The following PLCG2 variants were observed in gnomAD, a reference collection of about 807,000 sequenced individuals.
PLCG2 encodes phospholipase C gamma 2.
In PLCG2, 69 loss-of-function variants were observed where a neutral mutation model predicts 175.6. That is an observed-to-expected ratio of 0.39 (90% confidence interval 0.32 to 0.48). PLCG2 has a LOEUF of 0.48. PLCG2 is among the 20% of genes least tolerant of loss of function. The pLI, the probability that PLCG2 is intolerant of heterozygous loss-of-function variation, is 0.91. For synonymous variants in PLCG2, 827 were observed against 624.0 expected (o/e 1.33, Z -4.85); for missense variants, 1,798 against 1,650.9 (o/e 1.09, Z -1.54).
chr16:81,828,265 AG>A (rs1905125135), intron 2 of PLCG2, among the ~76,000 whole-genome samples: 3 of 69,652 alleles, frequency 4.3e-5, no homozygotes, highest in Non-Finnish European at 5.0e-5. Flanking sequence ...TTTTTTTTTG[AG>A]ACAGAATCTT....
At chr16:81,888,032 C>A (rs1428455478) in intron 9 of PLCG2, among the ~76,000 whole-genome samples, 1 of 105,242 alleles carries the variant, frequency 9.5e-6, no homozygotes, top group African/African-American at 3.0e-5. Context: ...TTATTTGGAG[C>A]TGAGACTCTG....
intron 2 of PLCG2, among the ~76,000 whole-genome samples, chr16:81,847,048 G>A (rs1022552216): frequency 1.3e-5 from 2 of 152,178 alleles, no homozygotes; most frequent in African/African-American, 2.4e-5. Flanking sequence ...CATTTCAGGT[G>A]CCAGTCACAA....
At chr16:81,830,666 G>GTA (rs1189692382) in intron 2 of PLCG2, among the ~76,000 whole-genome samples, 108 of 136,132 alleles carry the variant, frequency 7.9e-4, no homozygotes, top group African/African-American at 1.9e-3. Flanking sequence ...GTGTGTGTGT[G>GTA]TATATATATA....
At chr16:81,830,870 C>A (rs569235985) in intron 2 of PLCG2, among the ~76,000 whole-genome samples, 1 of 151,652 alleles carries the variant, frequency 6.6e-6, no homozygotes, top group Non-Finnish European at 1.5e-5. Context: ...GCAGAGACAG[C>A]GTGACTAGAA....
intron 2 of PLCG2, among the ~76,000 whole-genome samples, chr16:81,851,431 A>G (rs1033819685): frequency 3.3e-5 from 5 of 152,218 alleles, no homozygotes; most frequent in Admixed American, 2.0e-4. Flanking sequence ...TGTCACGTGT[A>G]GGTGGGTATG....
At chr16:81,898,031 C>G (rs1567522297) in intron 13 of PLCG2, 1 of 351,172 alleles carries the variant, frequency 2.8e-6, no homozygotes, top group African/African-American at 2.2e-5. Context: ...CAACCTCCAT[C>G]AGGCAGATGG....
chr16:81,822,654 G>T (rs1320639114), intron 2 of PLCG2, among the ~76,000 whole-genome samples: 1 of 151,332 alleles, frequency 6.6e-6, no homozygotes. Context: ...CTACTCAGAA[G>T]GCTGAGGCAG....
At chr16:81,791,604 A>T (rs1911234067) in intron 2 of PLCG2, among the ~76,000 whole-genome samples, 2 of 152,120 alleles carry the variant, frequency 1.3e-5, no homozygotes, top group African/African-American at 4.8e-5. Context: ...AATCTCTGTC[A>T]CCCAGGCTGG....
At chr16:81,788,322 C>G (rs1567464410) in intron 2 of PLCG2, among the ~76,000 whole-genome samples, 2 of 152,124 alleles carry the variant, frequency 1.3e-5, no homozygotes, top group African/African-American at 4.8e-5. Flanking sequence ...GCTCTGTTGC[C>G]CAGGCTGGAG....
chr16:81,742,320 A>T (rs963043639), intron 1 of PLCG2, among the ~76,000 whole-genome samples: 1 of 152,156 alleles, frequency 6.6e-6, no homozygotes, highest in African/African-American at 2.4e-5. Context: ...TGCTCAAGGA[A>T]GGGCCTGACT....
chr16:81,868,231 A>G (rs1907342201), intron 5 of PLCG2, among the ~76,000 whole-genome samples: 1 of 152,176 alleles, frequency 6.6e-6, no homozygotes, highest in Non-Finnish European at 1.5e-5. Context: ...CAATTAGGCA[A>G]CTTTAATGCC....
chr16:81,769,775 C>G (rs1377006591), intron 2 of PLCG2, among the ~76,000 whole-genome samples: 4 of 141,382 alleles, frequency 2.8e-5, no homozygotes, highest in African/African-American at 5.3e-5. Flanking sequence ...AGCCGAGATC[C>G]CGCCACTGCA....
chr16:81,743,737 G>C (rs1485660894), intron 1 of PLCG2, among the ~76,000 whole-genome samples: 1 of 152,238 alleles, frequency 6.6e-6, no homozygotes, highest in Non-Finnish European at 1.5e-5. Context: ...CCCATCCCAA[G>C]GGAGGGAGAG....
chr16:81,816,241 C>T (rs1352350175), intron 2 of PLCG2, among the ~76,000 whole-genome samples: 1 of 151,986 alleles, frequency 6.6e-6, no homozygotes, highest in Non-Finnish European at 1.5e-5. Flanking sequence ...TGTGGCAGCA[C>T]ATGCCTGTAA....
intron 15 of PLCG2, 32 bp from the exon 16 acceptor site, chr16:81,907,653 T>A: frequency 1.3e-6 from 2 of 1,527,028 alleles, no homozygotes; most frequent in South Asian, 2.2e-5. Context: ...GTAGAGGACT[T>A]GGGGGGCACT....
intron 16 of PLCG2, 123 bp downstream of exon 16, chr16:81,907,897 G>A: frequency 6.1e-6 from 4 of 654,802 alleles, no homozygotes; most frequent in South Asian, 5.3e-5. Context: ...CTCCGCTGAA[G>A]AAGCTGTTGA....
intron 2 of PLCG2, among the ~76,000 whole-genome samples, chr16:81,834,883 G>A (rs752983980): frequency 2.0e-5 from 3 of 152,218 alleles, no homozygotes; most frequent in Non-Finnish European, 4.4e-5. Context: ...CCTCTTGGGT[G>A]GATGGGGAGG....
intron 10 of PLCG2, among the ~76,000 whole-genome samples, chr16:81,891,037 C>T (rs1029444168): frequency 6.6e-6 from 1 of 152,048 alleles, no homozygotes; most frequent in Non-Finnish European, 1.5e-5. Flanking sequence ...GTGGTGCACG[C>T]CTGTTATCCT....
chr16:81,928,783 G>C (rs1159178248), intron 24 of PLCG2, 159 bp downstream of exon 24: 44 of 622,890 alleles, frequency 7.1e-5, no homozygotes, highest in Non-Finnish European at 1.2e-4. Context: ...GCTGGTCAGT[G>C]AGTATGATGC....
Sources: allele counts gnomAD v4.1 joint callset (sites outside exome capture counted in the v4.1 genomes callset), GRCh38; gene constraint gnomAD v4.1.1; transcripts MANE v1.5; gene names NCBI Gene and HGNC (gene_info 2026-07-23, HGNC 2026-07-21).